CUL5: variants seen among roughly 807,000 people sequenced by gnomAD.
CUL5 encodes the protein cullin-5.
CUL5 carries 26 observed loss-of-function variants against 108.8 expected under a neutral mutation model. That is an observed-to-expected ratio of 0.24 (90% confidence interval 0.18 to 0.33). The LOEUF (loss-of-function observed/expected upper bound fraction) is 0.33. Among genes scored for constraint, CUL5 ranks in the 10% least tolerant of loss-of-function variants. The probability of loss-of-function intolerance (pLI) is 1.00; values close to 1 mark genes in which losing one functional copy is unlikely to be tolerated. For synonymous variants in CUL5, 334 were observed against 298.0 expected, an observed-to-expected ratio of 1.12 and a Z score of -1.25; for missense variants, 524 against 909.2, an observed-to-expected ratio of 0.58 and a Z score of 5.45.
Position 108,082,443 on chromosome 11 carries a change from G to C in CUL5, c.1178+4203G>C, listed in dbSNP as rs1385699308. 2.6e-5 allele frequency among the ~76,000 whole-genome samples: 4 copies of C among 151,912 alleles called. No individual in the cohort carries two copies. The East Asian group carries it at 7.7e-4, about 29-fold the overall frequency. On this transcript the variant is annotated intron_variant, in intron 11 of 18. Coordinates refer to ENST00000393094, the MANE Select transcript of CUL5 (RefSeq NM_003478.6). ...CCACAGGTTCAGGCCACCACACCTG[G>C]CTATATTATTTTTTGTAGAGACAGT... is the stretch of plus-strand genomic sequence containing the variant.
At chr11:108,071,833 C>T (rs866564412) in intron 8 of CUL5, among the ~76,000 whole-genome samples, 1 of 152,090 alleles carries the variant, frequency 6.6e-6, no homozygotes, top group South Asian at 2.1e-4. Context: ...GAGTTACAAG[C>T]GTGAACCACC....
chr11:108,071,608 G>A (rs546345281), intron 8 of CUL5, among the ~76,000 whole-genome samples: 28 of 151,982 alleles, frequency 1.8e-4, no homozygotes, highest in African/African-American at 6.8e-4. Flanking sequence ...GTGCAATGGT[G>A]CAATCACGGC....
chr11:108,096,090 C>T (rs186358372), intron 16 of CUL5, among the ~76,000 whole-genome samples: 1 of 147,908 alleles, frequency 6.8e-6, no homozygotes, highest in East Asian at 2.0e-4. Context: ...AGTGAGAACT[C>T]CGTCTGAAAA....
chr11:108,036,038 C>G (rs2135093687), intron 2 of CUL5, among the ~76,000 whole-genome samples: 1 of 152,310 alleles, frequency 6.6e-6, no homozygotes, highest in East Asian at 1.9e-4. Context: ...TAGGATCCAA[C>G]TTGATCTGCT....
At chr11:108,060,730 G>A (rs369068428) in intron 7 of CUL5, among the ~76,000 whole-genome samples, 2 of 151,920 alleles carry the variant, frequency 1.3e-5, no homozygotes, top group South Asian at 2.1e-4. Context: ...TCAGCTACTC[G>A]GGAGGCTGAG....
chr11:108,018,283 A>AG (rs1283663500), intron 1 of CUL5, among the ~76,000 whole-genome samples: 1 of 152,234 alleles, frequency 6.6e-6, no homozygotes, highest in Non-Finnish European at 1.5e-5. Flanking sequence ...GAATTGCAGT[A>AG]GTAAGAATTA....
At chr11:108,027,734 T>C (rs1220940364) in intron 1 of CUL5, among the ~76,000 whole-genome samples, 1 of 152,162 alleles carries the variant, frequency 6.6e-6, no homozygotes, top group East Asian at 1.9e-4. Context: ...CCACTCTTCA[T>C]TCCACTCTAA....
chr11:108,063,618 GATA>G (rs1352077594), intron 7 of CUL5, among the ~76,000 whole-genome samples: 3 of 146,330 alleles, frequency 2.1e-5, no homozygotes, highest in African/African-American at 5.0e-5. Flanking sequence ...AAAGTATAAT[GATA>G]ATAAAATTTA....
At chr11:108,032,581 GTCTC>G (rs371413301) in intron 1 of CUL5, among the ~76,000 whole-genome samples, 113 of 150,136 alleles carry the variant, frequency 7.5e-4, no homozygotes, top group African/African-American at 2.4e-3. Flanking sequence ...CACATATGGG[GTCTC>G]TCTCTCTCTC....
intron 18 of CUL5, among the ~76,000 whole-genome samples, chr11:108,098,737 T>A (rs935967211): frequency 6.6e-6 from 1 of 151,968 alleles, no homozygotes; most frequent in Admixed American, 6.6e-5. Flanking sequence ...TAAAAATATA[T>A]TAAAAATTTC....
At position 108,107,162 on chromosome 11, in the gene CUL5, A is replaced by G. The variant is rs1233383942; in HGVS notation, c.*2778A>G. 6.6e-6 allele frequency: 1 copy of G among 151,964 alleles called. No individual in the cohort carries two copies. Among genetic ancestry groups the G allele is most frequent in the South Asian group, 2.1e-4 (1 of 4,822 alleles). 9.4% of individuals were successfully genotyped at this position (151,964 alleles called of 1,614,324 possible). On this transcript the variant is annotated 3_prime_UTR_variant, in exon 19 of 19. Transcript: ENST00000393094. Reference sequence around the variant, plus strand: ...TTGGAGGGGTCCCTGAGTTCTGTCAACTTTTTTATTTAAGTCTCTTGCTCT... The same window carrying G: ...TTGGAGGGGTCCCTGAGTTCTGTCAGCTTTTTTATTTAAGTCTCTTGCTCT...
At chr11:108,020,783 A>C (rs1202268784) in intron 1 of CUL5, among the ~76,000 whole-genome samples, 1 of 152,200 alleles carries the variant, frequency 6.6e-6, no homozygotes, top group Non-Finnish European at 1.5e-5. Context: ...AGCTTATATT[A>C]ATTTATTATT....
intron 2 of CUL5, among the ~76,000 whole-genome samples, chr11:108,035,882 A>G (rs1862728425): frequency 6.6e-6 from 1 of 152,190 alleles, no homozygotes; most frequent in East Asian, 1.9e-4. Flanking sequence ...CCTCAGATCC[A>G]GGTAATTGAG....
chr11:108,068,053 C>T (rs547925286), intron 7 of CUL5, among the ~76,000 whole-genome samples: 2 of 152,086 alleles, frequency 1.3e-5, no homozygotes, highest in Admixed American at 6.5e-5. Flanking sequence ...CTCAGCCTCC[C>T]GAGTAGCTGG....
At chr11:108,011,590 A>G (rs1423186772) in intron 1 of CUL5, among the ~76,000 whole-genome samples, 1 of 152,008 alleles carries the variant, frequency 6.6e-6, no homozygotes, top group Non-Finnish European at 1.5e-5. Context: ...TTAGAAGCCA[A>G]TGTCATAAAA....
chr11:108,009,283 G>A lies in CUL5; in HGVS notation c.-66G>A, dbSNP rs1861996794. ...GGCCCTGGTGGGAGCTCCGGCCTCC[G>A]GTCAAGGCCTGGCCGGGAGCGCCAC... On this transcript the variant is annotated 5_prime_UTR_variant, in exon 1 of 19. Transcript: ENST00000393094. 1.3e-6 allele frequency: 2 copies of A among 1,592,586 alleles called. No homozygotes were observed. The highest frequency in any genetic ancestry group is 2.2e-5 in the South Asian group (2 of 89,820).
chr11:108,090,779 A>AGAGT (rs1345028979), intron 13 of CUL5, among the ~76,000 whole-genome samples: 1 of 152,124 alleles, frequency 6.6e-6, no homozygotes, highest in East Asian at 1.9e-4. Flanking sequence ...GGAGAGAGAG[A>AGAGT]GAGTGCGAGC....
At chr11:108,081,991 T>C (rs1864098810) in intron 11 of CUL5, among the ~76,000 whole-genome samples, 1 of 152,210 alleles carries the variant, frequency 6.6e-6, no homozygotes, top group Non-Finnish European at 1.5e-5. Flanking sequence ...TTTCCATTTT[T>C]GTGAAAAAGA....
chr11:108,029,236 A>C (rs1862521297), intron 1 of CUL5, among the ~76,000 whole-genome samples: 1 of 151,106 alleles, frequency 6.6e-6, no homozygotes, highest in Non-Finnish European at 1.5e-5. Context: ...CCCCATTGTC[A>C]ACTCCCTGTT....
Sources: allele counts gnomAD v4.1 joint callset (sites outside exome capture counted in the v4.1 genomes callset), GRCh38; gene constraint gnomAD v4.1.1; transcripts MANE v1.5; gene names NCBI Gene and HGNC (gene_info 2026-07-23, HGNC 2026-07-21).